The following SLC67A1 variants were observed in gnomAD, a reference collection of about 807,000 sequenced individuals.
SLC67A1 encodes solute carrier family 67 member A1.
At chr11:2,900,823 C>T in the SLC67A1 span, among the ~76,000 whole-genome samples, 2 of 151,898 alleles carry the variant, frequency 1.3e-5, no homozygotes, top group Non-Finnish European at 2.9e-5. Context: ...TCCTGGACCG[C>T]AAGGGGAAGC....
At chr11:2,922,699 G>A in the SLC67A1 span, 1 of 285,470 alleles carries the variant, frequency 3.5e-6, no homozygotes, top group Non-Finnish European at 7.0e-6. Flanking sequence ...GGAGTGGGTG[G>A]GGTGGGGGCT....
At chr11:2,904,538 C>T in the SLC67A1 span, among the ~76,000 whole-genome samples, 7 of 152,186 alleles carry the variant, frequency 4.6e-5, no homozygotes, top group South Asian at 2.1e-4. Context: ...AGGATTGGTG[C>T]GGGGAAGAGT....
chr11:2,916,810 C>G, the SLC67A1 span: 20 of 1,387,630 alleles, frequency 1.4e-5, no homozygotes, highest in Admixed American at 3.4e-5. Context: ...CCTGCGTGCT[C>G]CAGCCAAGGG....
At chr11:2,916,420 C>T in the SLC67A1 span, 39 of 522,756 alleles carry the variant, frequency 7.5e-5, no homozygotes, top group South Asian at 8.8e-4. Context: ...GGATGGTGAG[C>T]GCCCCACCCA....
At chr11:2,917,618 A>G in the SLC67A1 span, among the ~76,000 whole-genome samples, 1 of 152,210 alleles carries the variant, frequency 6.6e-6, no homozygotes, top group African/African-American at 2.4e-5. Flanking sequence ...GCTCTGCCCC[A>G]GGCCCCAGGC....
At chr11:2,923,217 C>T in the SLC67A1 span, among the ~76,000 whole-genome samples, 1 of 152,210 alleles carries the variant, frequency 6.6e-6, no homozygotes, top group Non-Finnish European at 1.5e-5. The surrounding 1 kb of genome is among the most constrained non-coding windows in gnomAD (Gnocchi z 6.5). Flanking sequence ...GGTCAAAGGA[C>T]TCAGGAGTCC....
At chr11:2,917,639 T>C in the SLC67A1 span, among the ~76,000 whole-genome samples, 1 of 152,184 alleles carries the variant, frequency 6.6e-6, no homozygotes, top group Admixed American at 6.5e-5. Context: ...CAGGACCATA[T>C]AGGAAGCAGC....
the SLC67A1 span, among the ~76,000 whole-genome samples, chr11:2,900,490 G>A: frequency 3.3e-5 from 5 of 151,794 alleles, no homozygotes; most frequent in African/African-American, 9.7e-5. Flanking sequence ...TCAGGAGATC[G>A]AGACCATCCT....
the SLC67A1 span, chr11:2,917,913 C>A: frequency 8.3e-7 from 1 of 1,198,518 alleles, no homozygotes; most frequent in Non-Finnish European, 1.2e-6. Flanking sequence ...CTCCGAATGG[C>A]GAGGCCTGCA....
the SLC67A1 span, chr11:2,918,897 CT>C: frequency 5.4e-6 from 1 of 183,560 alleles, no homozygotes. Context: ...GTCTCACTAT[CT>C]TTTCCAGGCT....
At chr11:2,909,248 G>A in the SLC67A1 span, 22 of 1,538,920 alleles carry the variant, frequency 1.4e-5, no homozygotes, top group Admixed American at 3.7e-4. Flanking sequence ...CTTCCTGGCT[G>A]CCTTGGCGCT....
chr11:2,913,346 G>A, the SLC67A1 span, among the ~76,000 whole-genome samples: 1 of 152,190 alleles, frequency 6.6e-6, no homozygotes, highest in South Asian at 2.1e-4. Flanking sequence ...GCCCTGTTGA[G>A]CAGCAGGCTG....
At chr11:2,903,293 C>T in the SLC67A1 span, 77 of 1,589,258 alleles carry the variant, frequency 4.8e-5, no homozygotes, top group Non-Finnish European at 6.0e-5. Context: ...CCCCCTGCTC[C>T]GCCAGCCTCC....
the SLC67A1 span, chr11:2,909,863 G>C: frequency 4.6e-6 from 4 of 867,258 alleles, no homozygotes; most frequent in Non-Finnish European, 6.6e-6. Context: ...GGCCCCGCGC[G>C]AGGCCTAGGC....
the SLC67A1 span, among the ~76,000 whole-genome samples, chr11:2,914,312 T>A: frequency 6.6e-6 from 1 of 151,792 alleles, no homozygotes; most frequent in African/African-American, 2.4e-5. Context: ...CGTGGTGAGG[T>A]TGAGGGGGGC....
At chr11:2,907,631 C>A in the SLC67A1 span, among the ~76,000 whole-genome samples, 24 of 152,096 alleles carry the variant, frequency 1.6e-4, no homozygotes, top group Admixed American at 1.6e-3. This position sits in a 1 kb window ranked among gnomAD's most constrained non-coding sequence, Gnocchi z 6.7. Context: ...CACAATGAAG[C>A]CCATAATAAG....
At chr11:2,919,505 GC>G in the SLC67A1 span, 1 of 874,062 alleles carries the variant, frequency 1.1e-6, no homozygotes, top group Non-Finnish European at 1.9e-6. Context: ...AGGCTGGGGA[GC>G]CCTTGGCCTC....
At chr11:2,919,703 A>C in the SLC67A1 span, 3 of 441,468 alleles carry the variant, frequency 6.8e-6, no homozygotes, top group Non-Finnish European at 4.1e-6. Flanking sequence ...AACTCTCCAA[A>C]TCTGTCCCAT....
the SLC67A1 span, chr11:2,909,298 C>G: frequency 7.8e-6 from 12 of 1,534,254 alleles, no homozygotes; most frequent in South Asian, 1.2e-5. Flanking sequence ...CGGCCCTGCC[C>G]GGGGTCTACC....
Sources: gnomAD v4.1 joint callset for allele counts (sites outside exome capture counted in the v4.1 genomes callset) on GRCh38, gnomAD v4.1.1 for gene constraint, Gnocchi (gnomAD v3.1) non-coding constraint, MANE v1.5 for transcripts, NCBI Gene and HGNC (gene_info 2026-07-23, HGNC 2026-07-21) for gene names.